The following CACNA1C variants were observed in gnomAD, a reference collection of about 807,000 sequenced individuals.
CACNA1C encodes the protein calcium voltage-gated channel subunit alpha1 C.
CACNA1C carries 30 observed loss-of-function variants against 229.0 expected under a neutral mutation model. The ratio of observed to expected loss-of-function variants is 0.13; its 90% CI spans 0.10 to 0.18. The LOEUF (loss-of-function observed/expected upper bound fraction) is 0.18. Among genes scored for constraint, CACNA1C ranks in the 10% least tolerant of loss-of-function variants. The pLI is 1.00. For missense variants in CACNA1C, 1,658 were observed against 2,845.0 expected (o/e 0.58, Z 9.49); for synonymous variants, 1,114 against 1,132.5 (o/e 0.98, Z 0.33).
intron 1 of CACNA1C, among the ~76,000 whole-genome samples, chr12:2,091,910 C>G (rs573977215): frequency 6.6e-6 from 1 of 152,228 alleles, no homozygotes; most frequent in African/African-American, 2.4e-5. Flanking sequence ...GGGTGGGAAC[C>G]TAGGGGACAA....
rs73605745 is a variant in CACNA1C, at chr12:2,320,437, G to A, written c.478-128539G>A. On this transcript the variant is annotated intron_variant, in intron 3 of 46. Transcript: ENST00000399655. Reference sequence around the variant, plus strand: ...TAGTCCATCAGGTGGCAGTGTATGTGCTCTCAGTCTGAGAAATATACACAA... The same window carrying A: ...TAGTCCATCAGGTGGCAGTGTATGTACTCTCAGTCTGAGAAATATACACAA... 9.5e-4 allele frequency among the ~76,000 whole-genome samples: 144 copies of A among 152,344 alleles called. 1 individual carries two copies. Among genetic ancestry groups the A allele is most frequent in the African/African-American group, 3.3e-3 (137 of 41,568 alleles).
At position 2,605,586 on chromosome 12, in the gene CACNA1C, C is replaced by T. The variant is rs1018586530; in HGVS notation, c.3049-93C>T. The T allele has an allele frequency of 1.8e-5, 16 of 871,570 alleles. No individual in the cohort carries two copies. Among genetic ancestry groups the T allele is most frequent in the African/African-American group, 1.2e-4 (7 of 60,544 alleles). The allele number at this position is 871,570 out of a possible 1,614,324, so 54.0% of individuals were successfully genotyped here. A position where few individuals can be genotyped will look rare whatever the true frequency, so the allele number is the denominator to read the frequency against. ...TGCCCCTCTCAGCCCAATTACTCCC[C>T]GTTGTGGCAAACGGGCTGCCCCTGC... On this transcript the variant is annotated intron_variant, in intron 23 of 46. Coordinates refer to ENST00000399655, the MANE Select transcript of CACNA1C (RefSeq NM_000719.7). This position sits in a 1 kb window ranked among gnomAD's most constrained non-coding sequence, Gnocchi z 6.2.
chr12:2,469,357 C>T (rs1249007609), intron 5 of CACNA1C, among the ~76,000 whole-genome samples: 2 of 152,158 alleles, frequency 1.3e-5, no homozygotes, highest in Admixed American at 6.5e-5. Flanking sequence ...CCACGCGACA[C>T]GAGCCACCAG....
chr12:2,670,626 C>T (rs964642052), intron 38 of CACNA1C, among the ~76,000 whole-genome samples: 5 of 151,730 alleles, frequency 3.3e-5, no homozygotes, highest in Admixed American at 6.6e-5. Context: ...TTTGAGAGGC[C>T]CAGTCGGGCA....
In CACNA1C at chr12:2,456,911, C is replaced by T. The variant is rs118013814; in HGVS notation, c.618-656C>T. On this transcript the variant is annotated intron_variant, in intron 4 of 46. Coordinates refer to ENST00000399655, the MANE Select transcript of CACNA1C (RefSeq NM_000719.7). ...GTGTCTGGAACAGTGCCCGGCACAC[C>T]GCAGGTGTTCTTGTTTGTTGGAGGA... Among the ~76,000 whole-genome samples, 855 of 152,336 alleles carry T rather than the reference C, an allele frequency of 5.6e-3. 6 individuals carry two copies. Among genetic ancestry groups the T allele is most frequent in the Middle Eastern group, 0.027 (8 of 294 alleles).
At chr12:2,241,395 T>C (rs544293350) in intron 3 of CACNA1C, among the ~76,000 whole-genome samples, 1 of 152,250 alleles carries the variant, frequency 6.6e-6, no homozygotes, top group African/African-American at 2.4e-5. Flanking sequence ...CAGATCTTTT[T>C]ATCATGCCAT....
chr12:2,212,851 G>A (rs1049354507), intron 3 of CACNA1C, among the ~76,000 whole-genome samples: 2 of 152,126 alleles, frequency 1.3e-5, no homozygotes, highest in Non-Finnish European at 2.9e-5. Flanking sequence ...AGGAAGCACA[G>A]AACTGGACAC....
chr12:2,123,752 AG>A (rs2088314552), intron 3 of CACNA1C, among the ~76,000 whole-genome samples: 1 of 152,130 alleles, frequency 6.6e-6, no homozygotes, highest in East Asian at 1.9e-4. Flanking sequence ...CCAGTCTTGG[AG>A]ATTGTAATTT....
rs1208771752 is a variant in CACNA1C at position 2,608,407 on chromosome 12, T to G, written c.3357-104T>G. On this transcript the variant is annotated intron_variant, in intron 26 of 46. Transcript: ENST00000399655. The surrounding 1 kb of genome is among the most constrained non-coding windows in gnomAD (Gnocchi z 4.2). ...GCTGGGACTCCAGCCCAGAGCTGTCTCCTGCACCCTGATCCCTGGGATCCC... is the reference window on the plus strand; with the variant it reads ...GCTGGGACTCCAGCCCAGAGCTGTCGCCTGCACCCTGATCCCTGGGATCCC... 1.2e-6 allele frequency: 1 copy of G among 836,202 alleles called. No homozygotes were observed. The highest frequency in any genetic ancestry group is 2.7e-5 in the East Asian group (1 of 37,488). 51.8% of individuals were successfully genotyped at this position (836,202 alleles called of 1,614,324 possible).
chr12:2,417,602 G>A (rs1373216554), intron 3 of CACNA1C, among the ~76,000 whole-genome samples: 1 of 152,126 alleles, frequency 6.6e-6, no homozygotes, highest in Non-Finnish European at 1.5e-5. Context: ...CTGCAAGGTG[G>A]TCCAGGCGGA....
chr12:2,627,772 C>G (rs542731721), intron 29 of CACNA1C, among the ~76,000 whole-genome samples: 1 of 152,256 alleles, frequency 6.6e-6, no homozygotes, highest in South Asian at 2.1e-4. Context: ...TCAGAGGACC[C>G]GTTGTCCTTT....
At chr12:2,641,195 C>G (rs1310812916) in intron 30 of CACNA1C, among the ~76,000 whole-genome samples, 1 of 152,224 alleles carries the variant, frequency 6.6e-6, no homozygotes, top group Non-Finnish European at 1.5e-5. Context: ...TAGCCCAAAC[C>G]CTTATTTGTT....
chr12:2,186,985 C>G (rs2097045645), intron 3 of CACNA1C, among the ~76,000 whole-genome samples: 1 of 152,144 alleles, frequency 6.6e-6, no homozygotes, highest in Non-Finnish European at 1.5e-5. Flanking sequence ...GCTGTGAGCA[C>G]ACCCGACCCC....
chr12:2,423,137 G>T (rs185305576), intron 3 of CACNA1C, among the ~76,000 whole-genome samples: 1 of 152,052 alleles, frequency 6.6e-6, no homozygotes, highest in Non-Finnish European at 1.5e-5. Flanking sequence ...CCCTAGAATC[G>T]TGTGATCCTA....
chr12:2,289,323 T>A (rs1020034879), intron 3 of CACNA1C, among the ~76,000 whole-genome samples: 1 of 152,176 alleles, frequency 6.6e-6, no homozygotes, highest in Non-Finnish European at 1.5e-5. Context: ...ATAGTCATCC[T>A]GAATTTCCTT....
At chr12:2,080,668 A>G (rs2065241148) in intron 1 of CACNA1C, among the ~76,000 whole-genome samples, 1 of 152,148 alleles carries the variant, frequency 6.6e-6, no homozygotes, top group Admixed American at 6.6e-5. Context: ...ATAGTGCTAT[A>G]TGAAAAAGGA....
rs770451157 is a variant in CACNA1C, at chr12:2,605,129, C to T, written c.3009C>T (p.Leu1003=). The T allele has an allele frequency of 3.1e-6, 5 of 1,613,704 alleles. No homozygotes were observed. In the South Asian group the frequency reaches 4.4e-5, roughly 14 times the overall value. ...AGATCTTGCGAGTCCTGCGAGTACT[C>T]AGGCCCCTGAGGGCCATCAACAGGG... ...VVKILRVLRV[L]RPLRAINRAK... is the part of the protein sequence containing the mutation. Residue 1003 remains leucine (L), a synonymous_variant, in exon 23 of 47, where the codon CTC becomes CTT. Coordinates refer to ENST00000399655, the MANE Select transcript of CACNA1C (RefSeq NM_000719.7). The surrounding 1 kb of genome is among the most constrained non-coding windows in gnomAD (Gnocchi z 6.2).
chr12:2,440,519 A>G (rs1426167851), intron 3 of CACNA1C, among the ~76,000 whole-genome samples: 1 of 152,190 alleles, frequency 6.6e-6, no homozygotes, highest in Admixed American at 6.5e-5. Flanking sequence ...TCATGGCTGA[A>G]TCTCAGGCAT....
intron 3 of CACNA1C, among the ~76,000 whole-genome samples, chr12:2,228,190 A>G (rs2063588273): frequency 6.6e-6 from 1 of 152,146 alleles, no homozygotes; most frequent in Non-Finnish European, 1.5e-5. Flanking sequence ...GTTTTCCCAC[A>G]CCTTACACAG....
Sources: gnomAD v4.1 joint callset for allele counts (sites outside exome capture counted in the v4.1 genomes callset) on GRCh38, gnomAD v4.1.1 for gene constraint, Gnocchi (gnomAD v3.1) non-coding constraint, MANE v1.5 for transcripts, NCBI Gene and HGNC (gene_info 2026-07-23, HGNC 2026-07-21) for gene names.